The following FOXD4L1 variants were observed in gnomAD, a reference collection of about 807,000 sequenced individuals.
FOXD4L1 encodes forkhead box D4 like 1, also known as forkhead box protein D4-like 1.
In FOXD4L1, 10 loss-of-function variants were observed where a neutral mutation model predicts 24.8. The observed-to-expected ratio is 0.40, with a 90% CI of 0.25 to 0.68. FOXD4L1 has a LOEUF of 0.68. Ranked by LOEUF, FOXD4L1 falls within the 30% of genes least tolerant of loss-of-function variation. The probability of loss-of-function intolerance (pLI) is 0.37; values close to 1 mark genes in which losing one functional copy is unlikely to be tolerated. For synonymous variants in FOXD4L1, 159 were observed against 256.4 expected (o/e 0.62, Z 3.63); for missense variants, 364 against 572.4 (o/e 0.64, Z 3.72).
Position 113,500,842 on chromosome 2 carries a change from A to G in FOXD4L1, c.*359A>G, listed in dbSNP as rs1258491897. On this transcript the variant is annotated 3_prime_UTR_variant, in exon 1 of 1. Coordinates refer to ENST00000306507, the Ensembl canonical transcript of FOXD4L1. Reference sequence around the variant, plus strand: ...GGATTTGCACATTTCCTGGGGTACTATGAACGTGAGTGGGGTATTTTGTTC... The same window carrying G: ...GGATTTGCACATTTCCTGGGGTACTGTGAACGTGAGTGGGGTATTTTGTTC... 20 of 495,640 alleles carry G rather than the reference A, an allele frequency of 4.0e-5. 3 individuals are homozygous for G. The highest frequency in any genetic ancestry group is 4.1e-5 in the Non-Finnish European group (12 of 295,022). The allele number at this position is 495,640 out of a possible 1,614,324, so 30.7% of individuals were successfully genotyped here. A position where few individuals can be genotyped will look rare whatever the true frequency, so the allele number is the denominator to read the frequency against.
chr2:113,499,393 C>G (rs754055034), exon 1 of FOXD4L1: 1 of 1,609,270 alleles, frequency 6.2e-7, no homozygotes, highest in Non-Finnish European at 8.5e-7. Flanking sequence ...GAGGAGGAGG[C>G]GAGCCAGAAG....
Position 113,500,312 on chromosome 2 carries a change from C to T in FOXD4L1, c.1056C>T (p.Cys352=), listed in dbSNP as rs553404674. 3.5e-5 allele frequency: 53 copies of T among 1,526,088 alleles called. 14 individuals are homozygous for T. Among genetic ancestry groups the T allele is most frequent in the Non-Finnish European group, 1.3e-5 (15 of 1,130,898 alleles). The allele number at this position is 1,526,088 out of a possible 1,614,324, so 94.5% of individuals were successfully genotyped here. ...TGTCCCCGACCGCGTGGAGCTACTG[C>T]CCCCTGCTCCAGCGACCGTCAAGCC... Residue 352 remains cysteine, a synonymous_variant, in exon 1 of 1, where the codon TGC becomes TGT. Coordinates refer to ENST00000306507, the Ensembl canonical transcript of FOXD4L1.
exon 1 of FOXD4L1, chr2:113,499,104 C>T (rs1381942530): frequency 7.2e-7 from 1 of 1,390,280 alleles, no homozygotes; most frequent in African/African-American, 1.4e-5. Context: ...GACGTTGTTG[C>T]AAAGGAGTAG....
exon 1 of FOXD4L1, chr2:113,499,619 G>A (rs1270774804): frequency 1.2e-6 from 2 of 1,612,140 alleles, no homozygotes; most frequent in Non-Finnish European, 1.7e-6. Context: ...TGGCCATCCT[G>A]CAAAGCCCGC....
Position 113,499,788 on chromosome 2 carries a change from G to A in FOXD4L1, c.532G>A (p.Gly178Ser), listed in dbSNP as rs772603987. The A allele has an allele frequency of 3.3e-6, 5 of 1,534,874 alleles. 1 individual carries two copies. Among genetic ancestry groups the A allele is most frequent in the Non-Finnish European group, 4.4e-6 (5 of 1,131,890 alleles). ...CCGCGAGCCGGGCCACCCAGGCAAG[G>A]GCACCTACTGGAGCCTGGACCCCGC... The change falls in exon 1 of 1, where the codon GGC becomes AGC. Residue 178 changes from glycine to serine, a missense_variant. By Grantham distance (56) the Gly-to-Ser change is moderately conservative. Coordinates refer to ENST00000306507, the Ensembl canonical transcript of FOXD4L1.
rs779783603 is a variant in FOXD4L1 at position 113,500,454 on chromosome 2, G to A, written c.1198G>A (p.Ala400Thr). 2.8e-5 allele frequency: 43 copies of A among 1,518,452 alleles called. 7 individuals carry two copies. Among genetic ancestry groups the A allele is most frequent in the Non-Finnish European group, 3.8e-5 (43 of 1,125,836 alleles). 94.1% of individuals were successfully genotyped at this position (1,518,452 alleles called of 1,614,324 possible). A position where few individuals can be genotyped will look rare whatever the true frequency, so the allele number is the denominator to read the frequency against. Residue 400 changes from alanine to threonine, a missense_variant, in exon 1 of 1, where the codon GCG (alanine) becomes ACG (threonine). Ala to Thr is a moderately conservative substitution (Grantham distance 58). Coordinates refer to ENST00000306507, the Ensembl canonical transcript of FOXD4L1. ...ACCTGTCGGCCGCGTCGGCGCTGCT[G>A]CGGTATCAGGCGGTGGCAGAGGGCT...
At chr2:113,500,103 A>C in exon 1 of FOXD4L1, 1 of 1,570,780 alleles carries the variant, frequency 6.4e-7, no homozygotes, top group Non-Finnish European at 8.6e-7. Flanking sequence ...GGCACCGAAG[A>C]AAGCAGAAGG....
rs757787867 is a variant in FOXD4L1 at position 113,500,138 on chromosome 2, C to T, written c.882C>T (p.Thr294=). 6.6e-6 allele frequency: 10 copies of T among 1,516,524 alleles called. 4 individuals carry two copies. The East Asian group carries it at 2.4e-4, about 36-fold the overall frequency. 93.9% of individuals were successfully genotyped at this position (1,516,524 alleles called of 1,614,324 possible). The change falls in exon 1 of 1, where the codon ACC becomes ACT. Residue 294 remains threonine (T), a synonymous_variant. Transcript: ENST00000306507. Reference sequence around the variant, plus strand: ...GCGCGGACCTGGCGACCCCCGGCACCCTTCCCGTGCTGCAGCCCTCACTTG... The same window carrying T: ...GCGCGGACCTGGCGACCCCCGGCACTCTTCCCGTGCTGCAGCCCTCACTTG...
rs577926403 is a variant in FOXD4L1 at position 113,500,868 on chromosome 2, T to C, written c.*385T>C. The C allele has an allele frequency of 3.1e-4, 126 of 406,872 alleles. 6 individuals are homozygous for C. The highest frequency in any genetic ancestry group is 2.1e-3 in the African/African-American group (98 of 47,760). The allele number at this position is 406,872 out of a possible 1,614,324, so 25.2% of individuals were successfully genotyped here. A position where few individuals can be genotyped will look rare whatever the true frequency, so the allele number is the denominator to read the frequency against. On this transcript the variant is annotated 3_prime_UTR_variant, in exon 1 of 1. Coordinates refer to ENST00000306507, the Ensembl canonical transcript of FOXD4L1. ...TGAACGTGAGTGGGGTATTTTGTTCTGGCATTAGAAGAAAAACAAGCAAGC... is the reference window on the plus strand; with the variant it reads ...TGAACGTGAGTGGGGTATTTTGTTCCGGCATTAGAAGAAAAACAAGCAAGC...
At chr2:113,499,109 G>C (rs1682387583) in exon 1 of FOXD4L1, 1 of 1,423,714 alleles carries the variant, frequency 7.0e-7, no homozygotes, top group Admixed American at 2.1e-5. Context: ...TGTTGCAAAG[G>C]AGTAGAAACA....
In FOXD4L1 at chr2:113,500,526, A is replaced by G. The variant is rs1682424999; in HGVS notation, c.*43A>G. 4 of 1,511,036 alleles carry G rather than the reference A, an allele frequency of 2.6e-6. 2 individuals are homozygous for G. In the Admixed American group the frequency reaches 8.1e-5, roughly 31 times the overall value. The allele number at this position is 1,511,036 out of a possible 1,614,324, so 93.6% of individuals were successfully genotyped here. A position where few individuals can be genotyped will look rare whatever the true frequency, so the allele number is the denominator to read the frequency against. On this transcript the variant is annotated 3_prime_UTR_variant, in exon 1 of 1. Coordinates refer to ENST00000306507, the Ensembl canonical transcript of FOXD4L1. ...CCCCTTTGGGCGGAGAGGGGACCTC[A>G]CCAGTTTTTTTAGTATCGCCCACGC...
At chr2:113,499,454 G>A (rs573437209) in exon 1 of FOXD4L1, 2 of 1,577,086 alleles carry the variant, frequency 1.3e-6, no homozygotes, top group Non-Finnish European at 1.7e-6. Flanking sequence ...GGTGGGGCGG[G>A]GTTGCGCTTC....
At chr2:113,500,048 G>T (rs569162049) in exon 1 of FOXD4L1, 13 of 1,585,450 alleles carry the variant, frequency 8.2e-6, no homozygotes, top group African/African-American at 1.4e-5. Flanking sequence ...TGCTGCACCC[G>T]CATCCTCCTC....
In FOXD4L1 at chr2:113,500,848, G is replaced by T. The variant is rs1291711972; in HGVS notation, c.*365G>T. ...GCACATTTCCTGGGGTACTATGAAC[G>T]TGAGTGGGGTATTTTGTTCTGGCAT... On this transcript the variant is annotated 3_prime_UTR_variant, in exon 1 of 1. Transcript: ENST00000306507. 10 of 466,688 alleles carry T rather than the reference G, an allele frequency of 2.1e-5. 1 individual carries two copies. The highest frequency in any genetic ancestry group is 3.7e-5 in the Non-Finnish European group (10 of 273,840). The allele number at this position is 466,688 out of a possible 1,614,324, so 28.9% of individuals were successfully genotyped here.
chr2:113,501,113 G>A (rs1682437258), exon 1 of FOXD4L1: 1 of 143,176 alleles, frequency 7.0e-6, no homozygotes, highest in Non-Finnish European at 1.6e-5. Flanking sequence ...TTAAAATTAA[G>A]CCTAGTTATA....
chr2:113,499,771 C>A, exon 1 of FOXD4L1: 1 of 1,542,238 alleles, frequency 6.5e-7, no homozygotes, highest in South Asian at 1.1e-5. Flanking sequence ...CCCCGCGAGC[C>A]GGGCCACCCA....
rs773564849 is a variant in FOXD4L1 at position 113,500,328 on chromosome 2, C to G, written c.1072C>G (p.Pro358Ala). 34 of 1,521,612 alleles carry G rather than the reference C, an allele frequency of 2.2e-5. 6 individuals carry two copies. The highest frequency in any genetic ancestry group is 2.8e-5 in the Non-Finnish European group (32 of 1,127,648). The allele number at this position is 1,521,612 out of a possible 1,614,324, so 94.3% of individuals were successfully genotyped here. A position where few individuals can be genotyped will look rare whatever the true frequency, so the allele number is the denominator to read the frequency against. The change falls in exon 1 of 1, where the codon CCG becomes GCG. Residue 358 changes from proline to alanine, a missense_variant. Physicochemically the swap from Pro to Ala is conservative, Grantham distance 27 (BLOSUM62 -1). Coordinates refer to ENST00000306507, the Ensembl canonical transcript of FOXD4L1. Reference sequence around the variant, plus strand: ...GAGCTACTGCCCCCTGCTCCAGCGACCGTCAAGCCTGTCGGACAATTTTGC... The same window carrying G: ...GAGCTACTGCCCCCTGCTCCAGCGAGCGTCAAGCCTGTCGGACAATTTTGC...
exon 1 of FOXD4L1, chr2:113,500,777 C>T (rs1573816860): frequency 1.4e-6 from 1 of 734,664 alleles, no homozygotes; most frequent in Non-Finnish European, 2.0e-6. Context: ...GGCGTCAAGT[C>T]ATCTTTTCTT....
Position 113,500,045 on chromosome 2 carries a change from C to G in FOXD4L1, c.789C>G (p.His263Gln). The G allele has an allele frequency of 1.9e-6, 3 of 1,585,702 alleles. 1 individual carries two copies. The highest frequency in any genetic ancestry group is 2.2e-5 in the South Asian group (2 of 90,392). Residue 263 changes from histidine to glutamine, a missense_variant, in exon 1 of 1, where the codon CAC (histidine) becomes CAG (glutamine). Physicochemically the swap from His to Gln is conservative, Grantham distance 24 (BLOSUM62 0). Coordinates refer to ENST00000306507, the Ensembl canonical transcript of FOXD4L1. ...GGAGACGCCCTTACGCTCTGCTGCA[C>G]CCGCATCCTCCTCGCTACCTACTGC...
Sources: allele counts gnomAD v4.1 joint callset, GRCh38; gene constraint gnomAD v4.1.1; transcripts MANE v1.5; gene names NCBI Gene and HGNC (gene_info 2026-07-23, HGNC 2026-07-21).